ITFG2: variants seen among roughly 807,000 people sequenced by gnomAD.
ITFG2 encodes integrin alpha FG-GAP repeat containing 2.
Under a neutral mutation model 54.4 loss-of-function variants are expected in ITFG2, and 36 were observed. The observed-to-expected ratio is 0.66, with a 90% CI of 0.51 to 0.87. The LOEUF (loss-of-function observed/expected upper bound fraction) is 0.87. Among genes scored for constraint, ITFG2 ranks in the 40% least tolerant of loss-of-function variants. ITFG2 has a pLI of 0.00. For missense variants in ITFG2, 524 were observed against 576.7 expected, an observed-to-expected ratio of 0.91 and a Z score of 0.94; for synonymous variants, 211 against 225.4, an observed-to-expected ratio of 0.94 and a Z score of 0.57.
In ITFG2 at chr12:2,812,730, C is replaced by T. The variant is rs2097911769; in HGVS notation, c.-31C>T. 1.9e-6 allele frequency: 3 copies of T among 1,574,328 alleles called. No individual in the cohort carries two copies. The highest frequency in any genetic ancestry group is 2.7e-5 in the African/African-American group (2 of 74,272). Reference sequence around the variant, plus strand: ...GGGGGTTCAGGGAATATTTACTGGGCCTCTCCGCTCCCTCTGCTCTTGGAG... The same window carrying T: ...GGGGGTTCAGGGAATATTTACTGGGTCTCTCCGCTCCCTCTGCTCTTGGAG... On this transcript the variant is annotated 5_prime_UTR_variant, in exon 1 of 12. Coordinates refer to ENST00000228799, the MANE Select transcript of ITFG2 (RefSeq NM_018463.4).
intron 2 of ITFG2, among the ~76,000 whole-genome samples, chr12:2,841,164 C>G (rs1050145583): frequency 2.0e-5 from 3 of 152,340 alleles, no homozygotes; most frequent in Middle Eastern, 3.4e-3. Flanking sequence ...TCATCTCTTG[C>G]TATGGAGAGA....
At position 2,856,944 on chromosome 12, in the gene ITFG2, C is replaced by T. The variant is rs1312379755; in HGVS notation, n.301-1068C>T. ...CAAAAAGGTAGGCGGCAGAGATGGGCCACCCCCTACCTGCAGGAAAGGTTC... is the reference window on the plus strand; with the variant it reads ...CAAAAAGGTAGGCGGCAGAGATGGGTCACCCCCTACCTGCAGGAAAGGTTC... On this transcript the variant is annotated intron_variant and non_coding_transcript_variant, in intron 2 of 3. Coordinates refer to the ITFG2 transcript ENST00000537710. 4 of 703,044 alleles carry T rather than the reference C, an allele frequency of 5.7e-6. No individual in the cohort carries two copies. The East Asian group carries it at 1.1e-4, about 19-fold the overall frequency. 43.6% of individuals were successfully genotyped at this position (703,044 alleles called of 1,614,324 possible).
downstream of ITFG2, chr12:2,827,270 C>T (rs1483205205): frequency 1.9e-6 from 3 of 1,614,080 alleles, no homozygotes; most frequent in Non-Finnish European, 2.5e-6. The surrounding 1 kb of genome is among the most constrained non-coding windows in gnomAD (Gnocchi z 4.0). Flanking sequence ...CTTTCAGCCG[C>T]AGCACTCCGT....
intron 2 of ITFG2, among the ~76,000 whole-genome samples, chr12:2,842,120 CT>C (rs71057841): frequency 1.8e-5 from 2 of 108,694 alleles, no homozygotes; most frequent in Non-Finnish European, 3.4e-5. Flanking sequence ...TCACTTGTTT[CT>C]TTTTTTTTTT....
Position 2,817,938 on chromosome 12 carries a change from T to C in ITFG2, c.222T>C (p.Cys74=), listed in dbSNP as rs1235902167. The C allele has an allele frequency of 1.2e-6, 2 of 1,613,856 alleles. No homozygotes were observed. Among genetic ancestry groups the C allele is most frequent in the African/African-American group, 1.3e-5 (1 of 74,998 alleles). The part of the protein sequence containing the change: ...MLTCVGVGDV[C]NKGKNLLVAV... ...CTTGCGTTGGGGTTGGAGACGTGTG[T>C]AATAAAGGAAAGGTAAGAACTATAG... The change falls in exon 3 of 12, where the codon TGT becomes TGC. Residue 74 remains cysteine (C), a synonymous_variant. Transcript: ENST00000228799.
chr12:2,858,261 C>T (rs2098095410), exon 3 of ITFG2: 1 of 180,172 alleles, frequency 5.6e-6, no homozygotes, highest in African/African-American at 2.4e-5. Context: ...AATAAGCTTA[C>T]ATTTATAATT....
In ITFG2 at chr12:2,820,827, A is replaced by G; in HGVS notation, c.650A>G (p.Asp217Gly). Residue 217 changes from aspartate to glycine, a missense_variant, in exon 6 of 12, where the codon GAC becomes GGC. Coordinates refer to ENST00000228799, the MANE Select transcript of ITFG2 (RefSeq NM_018463.4). ...YAILLCTWKK[D>G]TGSPPASEGP... ...ATTCTACTGTGTACCTGGAAAAAGG[A>G]CACTGGGTCCCCTCCTGCCTCTGAA... The G allele has an allele frequency of 6.2e-7, 1 of 1,613,994 alleles. No individual in the cohort carries two copies. Among genetic ancestry groups the G allele is most frequent in the African/African-American group, 1.3e-5 (1 of 74,976 alleles).
upstream of ITFG2, among the ~76,000 whole-genome samples, chr12:2,831,887 G>A (rs1396059485): frequency 6.6e-6 from 1 of 152,088 alleles, no homozygotes; most frequent in Non-Finnish European, 1.5e-5. Context: ...ATATGCCACA[G>A]TACCTGGCCT....
chr12:2,838,942 A>T (rs560218049), intron 1 of ITFG2, among the ~76,000 whole-genome samples: 1 of 152,034 alleles, frequency 6.6e-6, no homozygotes, highest in Non-Finnish European at 1.5e-5. Flanking sequence ...GGCCTTGCCC[A>T]TGACAGCTCA....
chr12:2,836,321 C>G (rs2098027613), upstream of ITFG2, among the ~76,000 whole-genome samples: 1 of 152,208 alleles, frequency 6.6e-6, no homozygotes, highest in African/African-American at 2.4e-5. Context: ...TTCTCTCCAG[C>G]CTTTCCTCTT....
At chr12:2,814,232 A>T (rs374049478) in intron 1 of ITFG2, among the ~76,000 whole-genome samples, 90 of 152,348 alleles carry the variant, frequency 5.9e-4, no homozygotes, top group African/African-American at 1.9e-3. Flanking sequence ...GGTGTAAGCA[A>T]CCTCACCAGG....
rs1411447418 is a variant in ITFG2 at position 2,824,705 on chromosome 12, C to G, written c.*512C>G. 1.2e-5 allele frequency: 2 copies of G among 162,162 alleles called. No homozygotes were observed. The highest frequency in any genetic ancestry group is 2.7e-5 in the Non-Finnish European group (2 of 74,142). 10.0% of individuals were successfully genotyped at this position (162,162 alleles called of 1,614,324 possible). A position where few individuals can be genotyped will look rare whatever the true frequency, so the allele number is the denominator to read the frequency against. Reference sequence around the variant, plus strand: ...AGGATCTTTCTACAGTCTGGTCTTACCCATGTTCCTAGCAACCCTGAGATG... The same window carrying G: ...AGGATCTTTCTACAGTCTGGTCTTAGCCATGTTCCTAGCAACCCTGAGATG... On this transcript the variant is annotated 3_prime_UTR_variant, in exon 12 of 12. Coordinates refer to ENST00000228799, the MANE Select transcript of ITFG2 (RefSeq NM_018463.4).
upstream of ITFG2, chr12:2,835,190 TGAGAGAGAGAGA>T: frequency 3.4e-6 from 3 of 875,252 alleles, no homozygotes; most frequent in South Asian, 1.0e-4. Flanking sequence ...TGTGTGTGTG[TGAGAGAGAGAGA>T]GAGAAGGAGA....
At chr12:2,814,223 G>T (rs1198999145) in intron 1 of ITFG2, among the ~76,000 whole-genome samples, 1 of 152,192 alleles carries the variant, frequency 6.6e-6, no homozygotes. Context: ...GGAATTACAG[G>T]TGTAAGCAAC....
chr12:2,821,161 G>A (rs1189653333), intron 6 of ITFG2, 101 bp from the exon 7 acceptor site: 3 of 975,612 alleles, frequency 3.1e-6, no homozygotes, highest in African/African-American at 3.2e-5. Context: ...TTTCTAAGCT[G>A]ATTCAAATCC....
chr12:2,820,669 C>G, intron 5 of ITFG2, 55 bp from the exon 6 acceptor site: 4 of 972,860 alleles, frequency 4.1e-6, no homozygotes, highest in Non-Finnish European at 5.9e-6. Context: ...CCGTTCTCTG[C>G]AGGGACCCAC....
chr12:2,816,592 A>G (rs9668284), intron 1 of ITFG2, among the ~76,000 whole-genome samples: 24,107 of 149,478 alleles, frequency 0.16, 2,132 homozygotes, highest in South Asian at 0.35. Context: ...GCCTTCCAAA[A>G]TGCTGGGATT....
intron 1 of ITFG2, chr12:2,840,767 C>CA (rs1383315109): frequency 6.6e-6 from 1 of 151,914 alleles, no homozygotes; most frequent in African/African-American, 2.4e-5. Flanking sequence ...GTCTGGGTGA[C>CA]AGAGCAAGAC....
intron 1 of ITFG2, among the ~76,000 whole-genome samples, chr12:2,839,374 A>C (rs1009373140): frequency 1.3e-5 from 2 of 152,228 alleles, no homozygotes; most frequent in African/African-American, 4.8e-5. Context: ...ACTTCGTCCA[A>C]CTATTCAGGA....
Sources: gnomAD v4.1 joint callset for allele counts (sites outside exome capture counted in the v4.1 genomes callset) on GRCh38, gnomAD v4.1.1 for gene constraint, Gnocchi (gnomAD v3.1) non-coding constraint, MANE v1.5 for transcripts, NCBI Gene and HGNC (gene_info 2026-07-23, HGNC 2026-07-21) for gene names.